WWOX: variants seen among roughly 807,000 people sequenced by gnomAD.
WWOX encodes WW domain-containing oxidoreductase.
A neutral mutation model predicts 46.2 loss-of-function variants in WWOX; 69 were observed. That is an observed-to-expected ratio of 1.49 (90% CI 1.23 to 1.82). The LOEUF (loss-of-function observed/expected upper bound fraction) is 1.82. Ranked by LOEUF, WWOX falls within the 40% of genes most tolerant of loss-of-function variation. The pLI is 0.00. For synonymous variants in WWOX, 359 were observed against 202.6 expected (o/e 1.77, Z -6.56); for missense variants, 919 against 542.6 (o/e 1.69, Z -6.89).
At chr16:78,193,990 G>A (rs1006815400) in intron 5 of WWOX, among the ~76,000 whole-genome samples, 3 of 151,312 alleles carry the variant, frequency 2.0e-5, no homozygotes, top group Non-Finnish European at 4.4e-5. Context: ...CCATTCTCTT[G>A]CCTCAGCCTC....
At chr16:78,900,661 C>G (rs1244992149) in intron 8 of WWOX, among the ~76,000 whole-genome samples, 3 of 152,118 alleles carry the variant, frequency 2.0e-5, no homozygotes, top group African/African-American at 2.4e-5. Flanking sequence ...CTTTGTAAAT[C>G]TATTACTCAT....
intron 4 of WWOX, among the ~76,000 whole-genome samples, chr16:78,129,577 C>G (rs1424397795): frequency 2.0e-5 from 3 of 152,104 alleles, no homozygotes; most frequent in Non-Finnish European, 2.9e-5. Flanking sequence ...TTTCCATAAG[C>G]TCAAGGGTAA....
At chr16:78,129,681 A>T (rs1205861568) in intron 4 of WWOX, among the ~76,000 whole-genome samples, 1 of 152,114 alleles carries the variant, frequency 6.6e-6, no homozygotes, top group Non-Finnish European at 1.5e-5. Context: ...TGGACCACAC[A>T]AAAATGGTCT....
Position 79,177,551 on chromosome 16 carries a change from A to G in WWOX, c.1057-34057A>G, listed in dbSNP as rs59933575. Among the ~76,000 whole-genome samples, 1,069 of 152,212 alleles carry G rather than the reference A, an allele frequency of 7.0e-3. 11 individuals carry two copies. Among genetic ancestry groups the G allele is most frequent in the African/African-American group, 0.024 (1,009 of 41,530 alleles). On this transcript the variant is annotated intron_variant, in intron 8 of 8. Coordinates refer to ENST00000566780, the MANE Select transcript of WWOX (RefSeq NM_016373.4). ...GCTTTCAATAATTCTCTTGTCTCTA[A>G]TCAATTCACCGGCTCTTTTATTTGA... is the stretch of plus-strand genomic sequence containing the variant.
intron 8 of WWOX, among the ~76,000 whole-genome samples, chr16:78,489,623 CTA>C (rs1567602621): frequency 6.6e-6 from 1 of 152,120 alleles, no homozygotes; most frequent in Non-Finnish European, 1.5e-5. Flanking sequence ...CCTTCTAACT[CTA>C]TTTCTTTGTG....
intron 8 of WWOX, among the ~76,000 whole-genome samples, chr16:78,708,035 A>G (rs1181396877): frequency 6.6e-6 from 1 of 152,142 alleles, no homozygotes; most frequent in Non-Finnish European, 1.5e-5. Context: ...GATAGAATAC[A>G]GGACACCTGG....
At chr16:78,787,014 G>A (rs1037059106) in intron 8 of WWOX, among the ~76,000 whole-genome samples, 1 of 152,136 alleles carries the variant, frequency 6.6e-6, no homozygotes, top group African/African-American at 2.4e-5. Context: ...CAGGTGTGGT[G>A]CTGGGTGCCT....
chr16:78,911,062 C>T (rs902361625), intron 8 of WWOX, among the ~76,000 whole-genome samples: 3 of 151,434 alleles, frequency 2.0e-5, no homozygotes, highest in Non-Finnish European at 3.0e-5. Context: ...GACTTCCATC[C>T]CCATGTGTGG....
intron 8 of WWOX, chr16:78,897,095 A>G (rs952460688): frequency 6.7e-6 from 1 of 149,036 alleles, no homozygotes; most frequent in Non-Finnish European, 1.5e-5. Flanking sequence ...AAAAAAAAAG[A>G]AAAAAATAGC....
chr16:78,946,268 G>A (rs959446806), intron 8 of WWOX, among the ~76,000 whole-genome samples: 2 of 152,020 alleles, frequency 1.3e-5, no homozygotes, highest in Non-Finnish European at 2.9e-5. Flanking sequence ...TCGGCTCACT[G>A]CAGCCTCCAA....
At chr16:78,381,075 A>G (rs561810378) in intron 5 of WWOX, among the ~76,000 whole-genome samples, 11 of 152,310 alleles carry the variant, frequency 7.2e-5, no homozygotes, top group African/African-American at 2.4e-4. Context: ...TGCATTGGAC[A>G]TACTGGGCTG....
intron 8 of WWOX, among the ~76,000 whole-genome samples, chr16:78,906,286 C>G (rs1241808746): frequency 6.6e-6 from 1 of 152,162 alleles, no homozygotes; most frequent in East Asian, 1.9e-4. Context: ...CCCAAGGCAG[C>G]TTGAGAGGAA....
chr16:79,000,713 T>C (rs1487920907), intron 8 of WWOX, among the ~76,000 whole-genome samples: 1 of 152,120 alleles, frequency 6.6e-6, no homozygotes, highest in Admixed American at 6.5e-5. Flanking sequence ...GAAAATAAAT[T>C]TGTTTTAAGC....
chr16:78,802,161 A>G (rs1291946870), intron 8 of WWOX, among the ~76,000 whole-genome samples: 3 of 151,304 alleles, frequency 2.0e-5, no homozygotes, highest in African/African-American at 7.3e-5. Context: ...AGATATATAC[A>G]ACACAAAGAG....
intron 5 of WWOX, among the ~76,000 whole-genome samples, chr16:78,208,225 G>A (rs1049540572): frequency 7.9e-5 from 12 of 152,172 alleles, no homozygotes; most frequent in East Asian, 1.9e-4. Flanking sequence ...AGGGGATGGC[G>A]AATCATTCTA....
intron 8 of WWOX, among the ~76,000 whole-genome samples, chr16:79,048,052 G>A (rs986785434): frequency 1.3e-5 from 2 of 152,258 alleles, no homozygotes; most frequent in African/African-American, 4.8e-5. Context: ...TCCCTAAGAT[G>A]CCAGGGACTC....
intron 8 of WWOX, among the ~76,000 whole-genome samples, chr16:78,812,270 A>G (rs1386820856): frequency 6.6e-6 from 1 of 152,154 alleles, no homozygotes; most frequent in Non-Finnish European, 1.5e-5. Flanking sequence ...GTGAGGGTGG[A>G]CATTATAGAG....
At chr16:78,794,394 A>G (rs2050685124) in intron 8 of WWOX, among the ~76,000 whole-genome samples, 1 of 152,198 alleles carries the variant, frequency 6.6e-6, no homozygotes, top group South Asian at 2.1e-4. Context: ...ACAAATAAAC[A>G]AAAAACAAAA....
intron 8 of WWOX, among the ~76,000 whole-genome samples, chr16:79,068,533 G>A (rs1041701471): frequency 6.6e-6 from 1 of 152,082 alleles, no homozygotes; most frequent in African/African-American, 2.4e-5. Flanking sequence ...GCTGGTCACG[G>A]TGGCTCATGC....
Sources: allele counts gnomAD v4.1 joint callset (sites outside exome capture counted in the v4.1 genomes callset), GRCh38; gene constraint gnomAD v4.1.1; transcripts MANE v1.5; gene names NCBI Gene and HGNC (gene_info 2026-07-23, HGNC 2026-07-21).